UGGT2: variants seen among roughly 807,000 people sequenced by gnomAD.
UGGT2 encodes UDP-glucose glycoprotein glucosyltransferase 2, also known as UDP-glucose:glycoprotein glucosyltransferase 2.
UGGT2 carries 180 observed loss-of-function variants against 192.1 expected under a neutral mutation model. The observed-to-expected ratio is 0.94, with a 90% CI of 0.83 to 1.06. The LOEUF (loss-of-function observed/expected upper bound fraction) is 1.06, where lower values mean the gene tolerates loss of function less well. UGGT2 is among the 50% of genes least tolerant of loss of function. The pLI, the probability that UGGT2 is intolerant of heterozygous loss-of-function variation, is 0.00. For missense variants in UGGT2, 1,849 were observed against 1,795.7 expected (o/e 1.03, Z -0.54); for synonymous variants, 580 against 591.0 (o/e 0.98, Z 0.27).
chr13:95,815,287 GAAGAT>G (rs1884774340), intron 38 of UGGT2, among the ~76,000 whole-genome samples: 1 of 152,160 alleles, frequency 6.6e-6, no homozygotes, highest in South Asian at 2.1e-4. Context: ...TTTATTTGCT[GAAGAT>G]ATGATCCACT....
At chr13:96,034,809 T>G (rs1265240010) in intron 1 of UGGT2, among the ~76,000 whole-genome samples, 9 of 152,230 alleles carry the variant, frequency 5.9e-5, no homozygotes, top group Non-Finnish European at 1.2e-4. Context: ...CACTCCTGGC[T>G]GTGCGCAGTG....
At chr13:95,843,542 ATC>A (rs756635132) in intron 36 of UGGT2, among the ~76,000 whole-genome samples, 2 of 152,134 alleles carry the variant, frequency 1.3e-5, no homozygotes, top group Non-Finnish European at 2.9e-5. Flanking sequence ...TACCTAAAAA[ATC>A]TCTGCTTAAC....
chr13:95,882,101 G>T (rs2047512067), intron 27 of UGGT2, among the ~76,000 whole-genome samples: 1 of 151,818 alleles, frequency 6.6e-6, no homozygotes, highest in Non-Finnish European at 1.5e-5. Context: ...TAGAGATGGA[G>T]GTTTCACCAT....
intron 1 of UGGT2, among the ~76,000 whole-genome samples, chr13:96,043,519 C>T (rs1438927766): frequency 6.6e-6 from 1 of 152,076 alleles, no homozygotes; most frequent in Admixed American, 6.6e-5. Context: ...CCTCACATCT[C>T]AATACTAACA....
chr13:96,042,697 T>G (rs1400966870), intron 1 of UGGT2, among the ~76,000 whole-genome samples: 1 of 151,444 alleles, frequency 6.6e-6, no homozygotes, highest in African/African-American at 2.4e-5. Flanking sequence ...CAGGAAACAA[T>G]GGACGCACTT....
intron 29 of UGGT2, among the ~76,000 whole-genome samples, chr13:95,873,397 A>G (rs1891390009): frequency 6.6e-6 from 1 of 152,218 alleles, no homozygotes; most frequent in Non-Finnish European, 1.5e-5. Context: ...AATGGGAATG[A>G]CACAGCAAGG....
intron 5 of UGGT2, among the ~76,000 whole-genome samples, chr13:96,006,393 G>A (rs2051975671): frequency 6.6e-6 from 1 of 152,148 alleles, no homozygotes; most frequent in Non-Finnish European, 1.5e-5. Context: ...GGGAGGCTGA[G>A]GTGGATGGAT....
At chr13:96,036,737 G>A (rs1305237145) in intron 1 of UGGT2, among the ~76,000 whole-genome samples, 2 of 152,090 alleles carry the variant, frequency 1.3e-5, no homozygotes, top group Non-Finnish European at 2.9e-5. Context: ...CTGGTAAAAG[G>A]TAAGATATTA....
At chr13:95,922,689 G>A (rs2048884427) in intron 20 of UGGT2, among the ~76,000 whole-genome samples, 1 of 151,870 alleles carries the variant, frequency 6.6e-6, no homozygotes, top group Non-Finnish European at 1.5e-5. Context: ...GGGTGTGATG[G>A]CATGCACCTG....
At chr13:95,856,722 G>T (rs1398300597) in intron 33 of UGGT2, 2 of 369,480 alleles carry the variant, frequency 5.4e-6, no homozygotes, top group Non-Finnish European at 1.0e-5. Flanking sequence ...TATGTCAACA[G>T]GTTGGTTGGT....
intron 20 of UGGT2, among the ~76,000 whole-genome samples, chr13:95,917,520 CCAGCTAGCAT>C (rs553660139): frequency 1.2e-3 from 188 of 152,252 alleles, no homozygotes; most frequent in Non-Finnish European, 2.4e-3. Context: ...TGCAAAATAA[CCAGCTAGCAT>C]CATGATGACA....
chr13:95,859,751 T>G (rs1889982954), intron 32 of UGGT2, 76 bp from the exon 33 acceptor site: 1 of 1,064,682 alleles, frequency 9.4e-7, no homozygotes, highest in Admixed American at 3.0e-5. Flanking sequence ...CCTTGAAGTG[T>G]TTTTTAAAAT....
At chr13:96,012,289 C>T (rs1458824995) in intron 5 of UGGT2, among the ~76,000 whole-genome samples, 1 of 151,728 alleles carries the variant, frequency 6.6e-6, no homozygotes, top group African/African-American at 2.4e-5. Flanking sequence ...AAATAAATTC[C>T]AGATGGATTA....
At chr13:95,957,794 ACT>A (rs950245231) in intron 12 of UGGT2, among the ~76,000 whole-genome samples, 42 of 152,258 alleles carry the variant, frequency 2.8e-4, no homozygotes, top group Admixed American at 2.4e-3. Flanking sequence ...TTTCTGTGTG[ACT>A]CTCTCTCAGC....
chr13:96,018,321 G>A (rs1210136403), intron 4 of UGGT2, among the ~76,000 whole-genome samples: 3 of 152,062 alleles, frequency 2.0e-5, no homozygotes, highest in Admixed American at 6.6e-5. Context: ...TTCGAGTCCA[G>A]CCTGGGCAAC....
Position 96,013,501 on chromosome 13 carries a change from CA to C in UGGT2, c.486-21del, listed in dbSNP as rs767487302. 3.9e-5 allele frequency: 57 copies of C among 1,472,846 alleles called. No individual in the cohort carries two copies. The highest frequency in any genetic ancestry group is 5.0e-5 in the Non-Finnish European group (56 of 1,111,144). The allele number at this position is 1,472,846 out of a possible 1,614,324, so 91.2% of individuals were successfully genotyped here. ...CTAGTCCTAAGATAAAAGCAAAACA[CA>C]AAGTTTTGAAAAAACTGAAAGTTAA... On this transcript the variant is annotated intron_variant, in intron 4 of 38. Transcript: ENST00000376747.
intron 22 of UGGT2, among the ~76,000 whole-genome samples, chr13:95,899,356 A>T (rs2048037570): frequency 6.6e-6 from 1 of 152,138 alleles, no homozygotes; most frequent in Admixed American, 6.5e-5. Flanking sequence ...TATCCATCAA[A>T]ATATTAGCCC....
At chr13:95,871,260 G>C (rs190466247) in intron 29 of UGGT2, among the ~76,000 whole-genome samples, 1 of 152,164 alleles carries the variant, frequency 6.6e-6, no homozygotes, top group Non-Finnish European at 1.5e-5. Flanking sequence ...ACCAGACACC[G>C]AAGTGAGTAT....
chr13:96,034,400 C>T (rs1342466254), intron 1 of UGGT2, among the ~76,000 whole-genome samples: 8 of 152,204 alleles, frequency 5.3e-5, no homozygotes, highest in East Asian at 1.9e-4. Flanking sequence ...CTCAATAAAG[C>T]ACCTCTTTGC....
Sources: gnomAD v4.1 joint callset for allele counts (sites outside exome capture counted in the v4.1 genomes callset) on GRCh38, gnomAD v4.1.1 for gene constraint, MANE v1.5 for transcripts, NCBI Gene and HGNC (gene_info 2026-07-23, HGNC 2026-07-21) for gene names.